TRAF5: variants seen among roughly 807,000 people sequenced by gnomAD.
TRAF5 encodes TNF receptor associated factor 5.
Under a neutral mutation model 64.5 loss-of-function variants are expected in TRAF5, and 48 were observed. The observed-to-expected ratio is 0.74, with a 90% CI of 0.59 to 0.95. The LOEUF is 0.95. Among genes scored for constraint, TRAF5 ranks in the 40% least tolerant of loss-of-function variants. The pLI, the probability that TRAF5 is intolerant of heterozygous loss-of-function variation, is 0.00. For missense variants in TRAF5, 545 were observed against 662.8 expected (o/e 0.82, Z 1.95); for synonymous variants, 206 against 240.5 (o/e 0.86, Z 1.33).
At chr1:211,355,583 G>C (rs919922160) in intron 3 of TRAF5, among the ~76,000 whole-genome samples, 1 of 152,176 alleles carries the variant, frequency 6.6e-6, no homozygotes, top group Non-Finnish European at 1.5e-5. Flanking sequence ...ACACGGCTGT[G>C]CTGCATTTAG....
intron 1 of TRAF5, among the ~76,000 whole-genome samples, chr1:211,347,381 G>GGA: frequency 6.6e-6 from 1 of 152,274 alleles, no homozygotes; most frequent in South Asian, 2.1e-4. Flanking sequence ...TCCTGCCCTG[G>GGA]GAGGCATCAC....
rs146769184 is a variant in TRAF5, at chr1:211,373,312, G to A, written c.*610G>A. ...GTTTTGCAAGGCTGCATAAGAACTG[G>A]TGAATGGGGTAAGCATTTTCATTCT... is the stretch of plus-strand genomic sequence containing the variant. On this transcript the variant is annotated 3_prime_UTR_variant, in exon 11 of 11. Coordinates refer to ENST00000261464, the MANE Select transcript of TRAF5 (RefSeq NM_001033910.3). 10 of 152,274 alleles carry A rather than the reference G, an allele frequency of 6.6e-5. No homozygotes were observed. Among genetic ancestry groups the A allele is most frequent in the Non-Finnish European group, 1.5e-4 (10 of 68,136 alleles). The allele number at this position is 152,274 out of a possible 1,614,324, so 9.4% of individuals were successfully genotyped here.
At chr1:211,329,075 T>C (rs1702094442) in intron 1 of TRAF5, among the ~76,000 whole-genome samples, 1 of 152,142 alleles carries the variant, frequency 6.6e-6, no homozygotes, top group Admixed American at 6.5e-5. Context: ...AATGCCTCTG[T>C]GGTCTGTCCC....
At chr1:211,337,100 A>G (rs1318068652) in intron 1 of TRAF5, among the ~76,000 whole-genome samples, 2 of 152,250 alleles carry the variant, frequency 1.3e-5, no homozygotes, top group African/African-American at 4.8e-5. Context: ...TGGAGCTTAT[A>G]TTCTATTCTG....
At chr1:211,350,995 A>G (rs114875293) in intron 1 of TRAF5, among the ~76,000 whole-genome samples, 6,142 of 148,342 alleles carry the variant, frequency 0.041, 171 homozygotes, top group Middle Eastern at 0.13. Context: ...ACAGGTGTGC[A>G]CCACCATTCC....
chr1:211,345,145 G>C (rs978858793), intron 1 of TRAF5, among the ~76,000 whole-genome samples: 1 of 152,078 alleles, frequency 6.6e-6, no homozygotes, highest in Non-Finnish European at 1.5e-5. Context: ...TTGAACTCCC[G>C]ACCTCAGGTG....
intron 7 of TRAF5, among the ~76,000 whole-genome samples, chr1:211,361,683 A>G (rs1703184740): frequency 6.8e-6 from 1 of 146,754 alleles, no homozygotes; most frequent in Non-Finnish European, 1.5e-5. Context: ...CATCACAATA[A>G]TTATTCGGGT....
rs1287869670 is a variant in TRAF5 at position 211,372,515 on chromosome 1, T to C, written c.1487T>C (p.Met496Thr). ...GACCAGAGTGGCAAAAAGAACATTA[T>C]GGAGACCTTCAAACCTGACCCCAAT... is the stretch of plus-strand genomic sequence containing the variant. ...LLDQSGKKNIMETFKPDPNSS... is the reference protein window; with the variant it reads ...LLDQSGKKNITETFKPDPNSS... Residue 496 changes from methionine (M) to threonine (T), a missense_variant, in exon 11 of 11, where the codon ATG becomes ACG. Physicochemically the swap from Met to Thr is moderately conservative, Grantham distance 81 (BLOSUM62 -1). Transcript: ENST00000261464. 2 of 1,614,082 alleles carry C rather than the reference T, an allele frequency of 1.2e-6. No individual in the cohort carries two copies.
chr1:211,359,732 C>G, intron 4 of TRAF5, 180 bp from the exon 5 acceptor site: 1 of 594,308 alleles, frequency 1.7e-6, no homozygotes, highest in Non-Finnish European at 2.8e-6. Flanking sequence ...CTCCCCATGC[C>G]CTCTCCTCAG....
intron 1 of TRAF5, chr1:211,346,251 C>A: frequency 2.0e-6 from 1 of 505,546 alleles, no homozygotes; most frequent in Non-Finnish European, 2.6e-6. Flanking sequence ...TGGTACTTGC[C>A]AGTGGGATAT....
At chr1:211,346,890 AC>A (rs1400440195) in intron 1 of TRAF5, among the ~76,000 whole-genome samples, 1 of 152,206 alleles carries the variant, frequency 6.6e-6, no homozygotes, top group Non-Finnish European at 1.5e-5. Flanking sequence ...AATTTATGAA[AC>A]AAGAAGATGG....
At chr1:211,329,978 C>T (rs764618407) in intron 1 of TRAF5, among the ~76,000 whole-genome samples, 7 of 152,174 alleles carry the variant, frequency 4.6e-5, no homozygotes, top group Non-Finnish European at 1.0e-4. Flanking sequence ...ATATGGCCTC[C>T]AGCAAGTCCT....
chr1:211,332,292 A>G (rs1304955245), intron 1 of TRAF5, among the ~76,000 whole-genome samples: 1 of 152,238 alleles, frequency 6.6e-6, no homozygotes, highest in Non-Finnish European at 1.5e-5. Context: ...CTTGATAGCC[A>G]GGAGCAGACC....
In TRAF5 at chr1:211,353,363, C is replaced by T. The variant is rs1445340081; in HGVS notation, c.124C>T (p.Arg42Cys). ...EYQFVERLEE[R>C]YKCAFCHSVL... Reference sequence around the variant, plus strand: ...CCAGTTTGTGGAGCGGTTGGAAGAGCGCTACAAATGTGCCTTCTGCCACTC... The same window carrying T: ...CCAGTTTGTGGAGCGGTTGGAAGAGTGCTACAAATGTGCCTTCTGCCACTC... Residue 42 changes from arginine (R) to cysteine (C), a missense_variant, in exon 2 of 11, where the codon CGC becomes TGC. Physicochemically the swap from Arg to Cys is radical, Grantham distance 180. Transcript: ENST00000261464. 3 of 1,614,188 alleles carry T rather than the reference C, an allele frequency of 1.9e-6. No homozygotes were observed. Among genetic ancestry groups the T allele is most frequent in the Non-Finnish European group, 2.5e-6 (3 of 1,180,038 alleles).
intron 1 of TRAF5, among the ~76,000 whole-genome samples, chr1:211,352,274 A>G (rs953224191): frequency 6.6e-6 from 1 of 151,978 alleles, no homozygotes; most frequent in Non-Finnish European, 1.5e-5. Flanking sequence ...GAGCTTGTGC[A>G]GGGAAACTCC....
chr1:211,360,017 C>T lies in TRAF5; in HGVS notation c.484C>T (p.Gln162Ter). 1 of 1,614,104 alleles carries T rather than the reference C, an allele frequency of 6.2e-7. No homozygotes were observed. Among genetic ancestry groups the T allele is most frequent in the South Asian group, 1.1e-5 (1 of 91,074 alleles). The part of the protein sequence containing the change: ...DLKEHLSASC[Q>*]FRKEKCLYCK... Reference sequence around the variant, plus strand: ...GAAAGAGCATTTGAGTGCATCCTGTCAGTTTCGAAAGGAAAAATGCCTTTA... The same window carrying T: ...GAAAGAGCATTTGAGTGCATCCTGTTAGTTTCGAAAGGAAAAATGCCTTTA... Residue 162 changes from glutamine to a stop codon, truncating the protein, a stop_gained, in exon 5 of 11, where the codon CAG becomes TAG. Transcript: ENST00000261464. LOFTEE classifies it high-confidence loss of function.
chr1:211,350,046 G>A (rs1264418837), intron 1 of TRAF5, among the ~76,000 whole-genome samples: 1 of 152,056 alleles, frequency 6.6e-6, no homozygotes, highest in East Asian at 1.9e-4. Context: ...AAAATGTTTT[G>A]CCTCTTCATC....
chr1:211,356,786 C>T (rs1702983279), intron 4 of TRAF5: 1 of 204,262 alleles, frequency 4.9e-6, no homozygotes, highest in South Asian at 1.1e-4. Context: ...CAAGAATATG[C>T]CATTTTGGGG....
chr1:211,374,924 A>G lies in TRAF5; in HGVS notation c.*2222A>G, dbSNP rs1703645065. On this transcript the variant is annotated 3_prime_UTR_variant, in exon 11 of 11. Coordinates refer to ENST00000261464, the MANE Select transcript of TRAF5 (RefSeq NM_001033910.3). ...TCCCAGAACAAGGAATACTAGAGTA[A>G]AAAGCACCTCTTTTTCACAAAACGA... 6.6e-6 allele frequency: 1 copy of G among 152,220 alleles called. No individual in the cohort carries two copies. Among genetic ancestry groups the G allele is most frequent in the Admixed American group, 6.5e-5 (1 of 15,282 alleles). The allele number at this position is 152,220 out of a possible 1,614,324, so 9.4% of individuals were successfully genotyped here.
Sources: gnomAD v4.1 joint callset for allele counts (sites outside exome capture counted in the v4.1 genomes callset) on GRCh38, gnomAD v4.1.1 for gene constraint, MANE v1.5 for transcripts, NCBI Gene and HGNC (gene_info 2026-07-23, HGNC 2026-07-21) for gene names.